ANK3: variants seen among roughly 807,000 people sequenced by gnomAD.
The protein encoded by ANK3 is ankyrin 3, also known as ankyrin-3.
In ANK3, 57 loss-of-function variants were observed where a neutral mutation model predicts 370.9. The observed-to-expected ratio is 0.15, with a 90% CI of 0.12 to 0.19. The LOEUF (loss-of-function observed/expected upper bound fraction) is 0.19. Among genes scored for constraint, ANK3 ranks in the 10% least tolerant of loss-of-function variants. The pLI is 1.00. For missense variants in ANK3, 4,439 were observed against 5,302.1 expected, an observed-to-expected ratio of 0.84 and a Z score of 5.06; for synonymous variants, 1,929 against 1,946.3, an observed-to-expected ratio of 0.99 and a Z score of 0.23.
chr10:60,571,144 G>C lies in ANK3; in HGVS notation c.96+44042C>G, dbSNP rs371494658. Among the ~76,000 whole-genome samples the C allele has an allele frequency of 5.3e-5, 8 of 150,512 alleles. No individual in the cohort carries two copies. In the East Asian group the frequency reaches 1.4e-3, roughly 26 times the overall value. ...GTGCAGCTGAGACCTGCTCCCTTGG[G>C]AAATCAGACTAACACCTTTGCAACA... On this transcript the variant is annotated intron_variant, in intron 2 of 43. Coordinates refer to the ANK3 transcript ENST00000373827.
intron 42 of ANK3, among the ~76,000 whole-genome samples, chr10:60,050,926 T>TA (rs992750642): frequency 1.3e-5 from 2 of 151,994 alleles, no homozygotes; most frequent in African/African-American, 2.4e-5. Flanking sequence ...TTTTTTTTTT[T>TA]ACTTGACTTG....
rs2132287543 is a variant in ANK3, at chr10:60,163,821, T to G, written c.2614+2770A>C. On this transcript the variant is annotated intron_variant, in intron 23 of 43. Transcript: ENST00000280772. Reference sequence around the variant, plus strand: ...TTTCATTTTCTTTCTTGAGACAAACTGGCAGCCTATATTGCTTATTATTTT... The same window carrying G: ...TTTCATTTTCTTTCTTGAGACAAACGGGCAGCCTATATTGCTTATTATTTT... 1.3e-5 allele frequency among the ~76,000 whole-genome samples: 2 copies of G among 152,330 alleles called. 1 individual carries two copies. The highest frequency in any genetic ancestry group is 4.1e-4 in the South Asian group (2 of 4,830).
chr10:60,572,565 C>G, intron 2 of ANK3: 3 of 1,529,752 alleles, frequency 2.0e-6, no homozygotes, highest in Non-Finnish European at 2.6e-6. Context: ...AAAGACAGAT[C>G]ACCGCCGGTA....
intron 36 of ANK3, among the ~76,000 whole-genome samples, chr10:60,078,696 T>C (rs372236145): frequency 5.3e-5 from 8 of 152,324 alleles, no homozygotes; most frequent in African/African-American, 1.9e-4. Context: ...CAGAATCTTT[T>C]TCCTGGGGGG....
chr10:60,375,504 G>T lies in ANK3; in HGVS notation c.114+13921C>A, dbSNP rs913085587. ...ACCCATTAAGGCCTGCCTGGGGGGG[G>T]AGGGGGGAAGGACTGGTTTATCACA... On this transcript the variant is annotated intron_variant, in intron 1 of 43. Coordinates refer to ENST00000280772, the MANE Select transcript of ANK3 (RefSeq NM_020987.5). 2.6e-5 allele frequency among the ~76,000 whole-genome samples: 4 copies of T among 152,014 alleles called. No homozygotes were observed. The East Asian group carries it at 7.8e-4, about 30-fold the overall frequency.
At chr10:60,345,308 A>C (rs1307279786) in intron 1 of ANK3, among the ~76,000 whole-genome samples, 2 of 152,098 alleles carry the variant, frequency 1.3e-5, no homozygotes, top group Admixed American at 6.6e-5. Flanking sequence ...GCATGTGTGT[A>C]TGTGTGTTTT....
intron 2 of ANK3, among the ~76,000 whole-genome samples, chr10:60,463,399 TG>T (rs917202915): frequency 1.8e-4 from 27 of 152,164 alleles, no homozygotes; most frequent in African/African-American, 6.0e-4. Context: ...TGTTTTATCC[TG>T]GCCACTGACA....
At chr10:60,084,511 G>T in intron 32 of ANK3, 91 bp downstream of exon 32, 2 of 894,248 alleles carry the variant, frequency 2.2e-6, no homozygotes, top group African/African-American at 1.7e-5. Context: ...AATGCACTTG[G>T]TATTTTATAG....
At chr10:60,154,296 C>G (rs2095256386) in intron 23 of ANK3, among the ~76,000 whole-genome samples, 1 of 152,178 alleles carries the variant, frequency 6.6e-6, no homozygotes, top group Non-Finnish European at 1.5e-5. Flanking sequence ...TCTCCATGGC[C>G]TCTTTCCAGA....
chr10:60,081,241 C>T (rs1315571990), intron 35 of ANK3, among the ~76,000 whole-genome samples: 4 of 152,104 alleles, frequency 2.6e-5, no homozygotes, highest in South Asian at 2.1e-4. Context: ...TGCAGCACCA[C>T]GTCCAGCTAA....
intron 1 of ANK3, among the ~76,000 whole-genome samples, chr10:60,655,075 T>C (rs781647657): frequency 6.6e-6 from 1 of 152,152 alleles, no homozygotes; most frequent in African/African-American, 2.4e-5. Flanking sequence ...CTGCCAGTCA[T>C]TTGAAAGTAT....
At chr10:60,677,258 A>T (rs2079137356) in intron 1 of ANK3, among the ~76,000 whole-genome samples, 1 of 152,226 alleles carries the variant, frequency 6.6e-6, no homozygotes, top group Non-Finnish European at 1.5e-5. Context: ...GAATGACCAC[A>T]ATTTAGTGAG....
intron 8 of ANK3, among the ~76,000 whole-genome samples, chr10:60,223,172 T>C (rs532075534): frequency 5.9e-5 from 9 of 152,324 alleles, no homozygotes; most frequent in African/African-American, 1.9e-4. Context: ...TCAAATTCCT[T>C]ATCTCCCACC....
At chr10:60,421,174 G>A (rs1045279891) in intron 2 of ANK3, among the ~76,000 whole-genome samples, 6 of 152,010 alleles carry the variant, frequency 3.9e-5, no homozygotes, top group Admixed American at 1.3e-4. Flanking sequence ...TTTCCGGAGC[G>A]AAGAGGAGAA....
intron 2 of ANK3, among the ~76,000 whole-genome samples, chr10:60,563,131 T>C (rs2077377918): frequency 2.0e-5 from 3 of 152,226 alleles, no homozygotes. Flanking sequence ...ACTGGGTTTT[T>C]AAAAAACCAA....
chr10:60,468,919 A>C (rs2065073417), intron 2 of ANK3, among the ~76,000 whole-genome samples: 1 of 146,016 alleles, frequency 6.8e-6, no homozygotes, highest in Non-Finnish European at 1.5e-5. Context: ...GTGTGCATGT[A>C]TGTGTGTGTG....
intron 18 of ANK3, 55 bp downstream of exon 18, chr10:60,181,274 C>T (rs1298915074): frequency 2.1e-6 from 3 of 1,409,202 alleles, no homozygotes; most frequent in Non-Finnish European, 3.0e-6. Flanking sequence ...TTCTTCCTTA[C>T]TGCAGTCACC....
At position 60,075,712 on chromosome 10, in the gene ANK3, T is replaced by C. The variant is rs144708634; in HGVS notation, c.5169A>G (p.Leu1723=). The change falls in exon 37 of 44, where the codon CTA becomes CTG. Residue 1723 remains leucine, a synonymous_variant. Transcript: ENST00000280772. ...VALVNGSISP[L]KYPSSSTLIN... is the part of the protein sequence containing the mutation. Reference sequence around the variant, plus strand: ...TTAAAGTTGAGGATGATGGATATTTTAGAGGGGAAATAGATCCATTGACTA... The same window carrying C: ...TTAAAGTTGAGGATGATGGATATTTCAGAGGGGAAATAGATCCATTGACTA... 3 of 1,614,110 alleles carry C rather than the reference T, an allele frequency of 1.9e-6. No homozygotes were observed. Among genetic ancestry groups the C allele is most frequent in the Non-Finnish European group, 2.5e-6 (3 of 1,179,996 alleles).
intron 38 of ANK3, among the ~76,000 whole-genome samples, chr10:60,067,702 A>C (rs1368379088): frequency 1.3e-5 from 2 of 152,204 alleles, no homozygotes; most frequent in Non-Finnish European, 2.9e-5. Flanking sequence ...ATTTAAGGTA[A>C]AATAAATTTA....
Sources: gnomAD v4.1 joint callset for allele counts (sites outside exome capture counted in the v4.1 genomes callset) on GRCh38, gnomAD v4.1.1 for gene constraint, MANE v1.5 for transcripts, NCBI Gene and HGNC (gene_info 2026-07-23, HGNC 2026-07-21) for gene names.